RALYL: variants seen among roughly 807,000 people sequenced by gnomAD.
RALYL encodes RALY RNA binding protein like.
RALYL carries 29 observed loss-of-function variants against 35.1 expected under a neutral mutation model. That is an observed-to-expected ratio of 0.83 (90% CI 0.61 to 1.13). The LOEUF (loss-of-function observed/expected upper bound fraction) is 1.13, where lower values mean the gene tolerates loss of function less well. Among genes scored for constraint, RALYL ranks in the 50% most tolerant of loss-of-function variants. The probability of loss-of-function intolerance (pLI) is 0.00; values close to 1 mark genes in which losing one functional copy is unlikely to be tolerated. For missense variants in RALYL, 359 were observed against 360.4 expected (o/e 1.00, Z 0.03); for synonymous variants, 120 against 127.6 (o/e 0.94, Z 0.40).
chr8:84,591,975 G>A (rs1047478415), intron 2 of RALYL, among the ~76,000 whole-genome samples: 1 of 151,824 alleles, frequency 6.6e-6, no homozygotes. Context: ...TTTTCTTTTT[G>A]TTGTTCAATG....
intron 2 of RALYL, among the ~76,000 whole-genome samples, chr8:84,647,109 G>A (rs369660363): frequency 9.7e-4 from 147 of 152,142 alleles, no homozygotes; most frequent in African/African-American, 3.2e-3. Context: ...GGAGATTCAA[G>A]CTCAGGACGC....
At chr8:84,197,657 G>A (rs376155065) in intron 1 of RALYL, among the ~76,000 whole-genome samples, 11 of 151,834 alleles carry the variant, frequency 7.2e-5, no homozygotes, top group African/African-American at 2.2e-4. Context: ...GGCCGGGCGC[G>A]GTGGCTCACG....
chr8:84,470,915 G>C (rs755627594), intron 1 of RALYL, among the ~76,000 whole-genome samples: 1 of 152,118 alleles, frequency 6.6e-6, no homozygotes, highest in Non-Finnish European at 1.5e-5. Flanking sequence ...TTAAATAGGA[G>C]CTCACCCTCC....
intron 1 of RALYL, among the ~76,000 whole-genome samples, chr8:84,317,847 C>T (rs529753420): frequency 2.8e-4 from 42 of 152,238 alleles, no homozygotes; most frequent in East Asian, 2.1e-3. Context: ...CTAGGTTTCA[C>T]GGAAACTGGC....
intron 1 of RALYL, among the ~76,000 whole-genome samples, chr8:84,255,250 G>T (rs1409539847): frequency 2.0e-5 from 3 of 152,066 alleles, no homozygotes; most frequent in African/African-American, 7.2e-5. Flanking sequence ...TGCCTTTACA[G>T]AACTTTCTTA....
chr8:84,345,133 T>C (rs1409673102), intron 1 of RALYL, among the ~76,000 whole-genome samples: 1 of 151,520 alleles, frequency 6.6e-6, no homozygotes, highest in Non-Finnish European at 1.5e-5. Context: ...CCATACAGTT[T>C]CCCATAATGG....
chr8:84,298,244 T>C, intron 1 of RALYL, among the ~76,000 whole-genome samples: 1 of 151,902 alleles, frequency 6.6e-6, no homozygotes, highest in Non-Finnish European at 1.5e-5. Flanking sequence ...TTTCAATCTC[T>C]TACACAAGGC....
At chr8:84,486,631 A>G (rs2054657206) in intron 1 of RALYL, among the ~76,000 whole-genome samples, 2 of 152,036 alleles carry the variant, frequency 1.3e-5, no homozygotes, top group South Asian at 2.1e-4. Context: ...AATTAGAAAA[A>G]CATTTAATAT....
intron 2 of RALYL, among the ~76,000 whole-genome samples, chr8:84,765,456 G>A (rs1458706656): frequency 1.3e-5 from 2 of 152,096 alleles, no homozygotes; most frequent in Non-Finnish European, 2.9e-5. Context: ...CAATAGGAAA[G>A]GTGGTTATAG....
intron 5 of RALYL, among the ~76,000 whole-genome samples, chr8:84,859,234 G>C (rs935871198): frequency 1.3e-5 from 2 of 152,098 alleles, no homozygotes; most frequent in Non-Finnish European, 2.9e-5. Context: ...GGTTGCGGGA[G>C]GGGACCAATC....
chr8:84,427,916 C>A (rs2046680757), intron 1 of RALYL, among the ~76,000 whole-genome samples: 1 of 152,192 alleles, frequency 6.6e-6, no homozygotes, highest in Non-Finnish European at 1.5e-5. Flanking sequence ...ATCTGCCACA[C>A]TGCCTGGATA....
intron 8 of RALYL, among the ~76,000 whole-genome samples, chr8:84,897,860 G>T (rs1845007361): frequency 6.6e-6 from 1 of 152,198 alleles, no homozygotes; most frequent in African/African-American, 2.4e-5. Flanking sequence ...CTGGGTAGAA[G>T]AGAAGATGTT....
intron 2 of RALYL, among the ~76,000 whole-genome samples, chr8:84,761,713 T>G (rs1199023731): frequency 6.6e-6 from 1 of 152,168 alleles, no homozygotes; most frequent in East Asian, 1.9e-4. Context: ...CAAACACTTA[T>G]TAAGCTCCAT....
chr8:84,605,505 C>T (rs752875491), intron 2 of RALYL, among the ~76,000 whole-genome samples: 3 of 152,026 alleles, frequency 2.0e-5, no homozygotes, highest in Non-Finnish European at 2.9e-5. Flanking sequence ...TTCAATCAGC[C>T]GATGATTTGA....
At chr8:84,376,825 A>G (rs1289152922) in intron 1 of RALYL, among the ~76,000 whole-genome samples, 1 of 151,832 alleles carries the variant, frequency 6.6e-6, no homozygotes, top group Non-Finnish European at 1.5e-5. Context: ...TGGATTCTGC[A>G]GTTCCACATC....
Position 84,310,909 on chromosome 8 carries a change from C to T in RALYL, c.-24+126485C>T, listed in dbSNP as rs1250840213. Among the ~76,000 whole-genome samples the T allele has an allele frequency of 1.0e-4, 15 of 144,108 alleles. 1 individual carries two copies. The highest frequency in any genetic ancestry group is 2.6e-4 in the African/African-American group (10 of 38,178). The allele number at this position is 144,108 out of a possible 152,430, so 94.5% of individuals were successfully genotyped here. A position where few individuals can be genotyped will look rare whatever the true frequency, so the allele number is the denominator to read the frequency against. ...AAAAATACAAAAAATTAGCCGGGCG[C>T]GGTGGCGGGCGCCTGTAGTCCCAGC... is the stretch of plus-strand genomic sequence containing the variant. On this transcript the variant is annotated intron_variant, in intron 1 of 8. Transcript: ENST00000521268.
In RALYL at chr8:84,894,548, A is replaced by T. The variant is rs565223754; in HGVS notation, c.858+6772A>T. ...TTTGGATGGAGTTAGGGATAGGATG[A>T]ACAGCCATGGTGAATGTGTCCTGCA... On this transcript the variant is annotated intron_variant, in intron 8 of 8. Coordinates refer to ENST00000521268, the MANE Select transcript of RALYL (RefSeq NM_173848.7). Among the ~76,000 whole-genome samples, 13 of 152,278 alleles carry T rather than the reference A, an allele frequency of 8.5e-5. No individual in the cohort carries two copies. In the South Asian group the frequency reaches 2.5e-3, roughly 29 times the overall value.
chr8:84,782,901 G>A (rs759058453), intron 3 of RALYL, among the ~76,000 whole-genome samples: 3 of 152,164 alleles, frequency 2.0e-5, no homozygotes, highest in Non-Finnish European at 4.4e-5. Context: ...TATGGGTATT[G>A]TTCATTGTCT....
At chr8:84,690,726 G>A (rs891611662) in intron 2 of RALYL, among the ~76,000 whole-genome samples, 5 of 151,906 alleles carry the variant, frequency 3.3e-5, no homozygotes, top group African/African-American at 9.7e-5. Flanking sequence ...AAAATTAACT[G>A]TTTCTCACAT....
Sources: allele counts gnomAD v4.1 joint callset (sites outside exome capture counted in the v4.1 genomes callset), GRCh38; gene constraint gnomAD v4.1.1; transcripts MANE v1.5; gene names NCBI Gene and HGNC (gene_info 2026-07-23, HGNC 2026-07-21).